Variants in IL31RA observed in about 807,000 individuals in gnomAD.
IL31RA encodes the protein interleukin 31 receptor A, also known as interleukin-31 receptor subunit alpha.
In IL31RA, 66 loss-of-function variants were observed where a neutral mutation model predicts 83.7. The ratio of observed to expected loss-of-function variants is 0.79; its 90% CI spans 0.65 to 0.97. The LOEUF (loss-of-function observed/expected upper bound fraction) is 0.97, where lower values mean the gene tolerates loss of function less well. Ranked by LOEUF, IL31RA falls within the 50% of genes least tolerant of loss-of-function variation. IL31RA has a pLI of 0.00. For missense variants in IL31RA, 798 were observed against 919.4 expected, an observed-to-expected ratio of 0.87 and a Z score of 1.71; for synonymous variants, 325 against 329.0, an observed-to-expected ratio of 0.99 and a Z score of 0.13.
chr5:55,922,067 C>T lies in IL31RA; in HGVS notation c.*4947C>T, dbSNP rs1475570420. ...CTTATGTTGTGGCGGGGGGGGGGGG[C>T]GGTTCCTGAAGAGTGGAGTGTGACT... On this transcript the variant is annotated 3_prime_UTR_variant, in exon 15 of 15. Transcript: ENST00000652347. 1.7e-5 allele frequency among the ~76,000 whole-genome samples: 1 copy of T among 57,368 alleles called. No individual in the cohort carries two copies. Among genetic ancestry groups the T allele is most frequent in the Admixed American group, 2.5e-4 (1 of 4,062 alleles). 37.6% of individuals were successfully genotyped at this position (57,368 alleles called of 152,430 possible). A position where few individuals can be genotyped will look rare whatever the true frequency, so the allele number is the denominator to read the frequency against.
chr5:55,899,526 A>G (rs903612973), intron 7 of IL31RA, among the ~76,000 whole-genome samples: 4 of 152,250 alleles, frequency 2.6e-5, no homozygotes, highest in African/African-American at 9.6e-5. Context: ...TGGATACTCC[A>G]GGCAAGAGAT....
In IL31RA at chr5:55,908,311, G is replaced by A. The variant is rs1303913358; in HGVS notation, c.1401G>A (p.Lys467=). The change falls in exon 11 of 15, where the codon AAG becomes AAA. Residue 467 remains lysine (K), a synonymous_variant. Transcript: ENST00000652347. The stretch of plus-strand genomic sequence containing the variant: ...CCAAGGTGGAGAACATTGGCGTGAA[G>A]ACGGTCACGATCACATGGAAAGAGA... ...PETKVENIGV[K]TVTITWKEIP... The A allele has an allele frequency of 3.1e-6, 5 of 1,614,178 alleles. No homozygotes were observed. In the Admixed American group the frequency reaches 5.0e-5, roughly 16 times the overall value.
Position 55,906,257 on chromosome 5 carries a change from G to A in IL31RA, c.1221G>A (p.Val407=), listed in dbSNP as rs1261114666. ...SEPTTLSWES[V]SQATNWTIQQ... The stretch of plus-strand genomic sequence containing the variant: ...CCACCACCCTTTCCTGGGAATCTGT[G>A]TCTCAGGCCACGAACTGGACGATCC... The change falls in exon 9 of 15, where the codon GTG becomes GTA. Residue 407 remains valine, a synonymous_variant. Coordinates refer to ENST00000652347, the MANE Select transcript of IL31RA (RefSeq NM_139017.7). 5 of 1,614,152 alleles carry A rather than the reference G, an allele frequency of 3.1e-6. No individual in the cohort carries two copies. The highest frequency in any genetic ancestry group is 3.3e-4 in the Middle Eastern group (2 of 6,030).
upstream of IL31RA, among the ~76,000 whole-genome samples, chr5:55,848,203 T>C (rs375812566): frequency 7.9e-5 from 12 of 152,320 alleles, no homozygotes; most frequent in African/African-American, 2.9e-4. Context: ...AGAGAGGGAA[T>C]TAAACTTCAT....
In IL31RA at chr5:55,919,933, G is replaced by A. The variant is rs1750005054; in HGVS notation, c.*2813G>A. ...CAGAGACATTGTGAGGACACAAACAGGAAGACTTGTGTTTTAGCAAGGTTA... is the reference window on the plus strand; with the variant it reads ...CAGAGACATTGTGAGGACACAAACAAGAAGACTTGTGTTTTAGCAAGGTTA... On this transcript the variant is annotated 3_prime_UTR_variant, in exon 15 of 15. Coordinates refer to ENST00000652347, the MANE Select transcript of IL31RA (RefSeq NM_139017.7). 1.3e-5 allele frequency among the ~76,000 whole-genome samples: 2 copies of A among 152,228 alleles called. No individual in the cohort carries two copies. Among genetic ancestry groups the A allele is most frequent in the Admixed American group, 6.5e-5 (1 of 15,288 alleles).
chr5:55,862,685 G>T (rs1381610201), intron 2 of IL31RA, among the ~76,000 whole-genome samples: 1 of 152,198 alleles, frequency 6.6e-6, no homozygotes, highest in Non-Finnish European at 1.5e-5. Context: ...GGGATTACAG[G>T]TGTGAGCCAC....
intron 4 of IL31RA, 83 bp from the exon 5 acceptor site, chr5:55,882,961 A>T (rs1747338491): frequency 7.6e-7 from 1 of 1,310,750 alleles, no homozygotes; most frequent in Non-Finnish European, 1.1e-6. Flanking sequence ...TGCACGTATC[A>T]TTTTTTTTCA....
At chr5:55,890,277 C>A in intron 6 of IL31RA, 142 bp downstream of exon 6, 1 of 757,630 alleles carries the variant, frequency 1.3e-6, no homozygotes, top group Non-Finnish European at 2.3e-6. Flanking sequence ...CGAGAGTGAG[C>A]CTGCACAACT....
chr5:55,857,558 A>G (rs886945970), intron 1 of IL31RA, among the ~76,000 whole-genome samples: 1 of 152,118 alleles, frequency 6.6e-6, no homozygotes, highest in African/African-American at 2.4e-5. Context: ...CTCTTTTTAG[A>G]TGCTCTTTGC....
intron 4 of IL31RA, among the ~76,000 whole-genome samples, chr5:55,879,821 A>C (rs1747095884): frequency 1.3e-5 from 2 of 151,890 alleles, no homozygotes; most frequent in Non-Finnish European, 2.9e-5. Flanking sequence ...ACTTGATATA[A>C]ATCAGTTCTT....
At chr5:55,910,818 C>A in intron 12 of IL31RA, 146 bp downstream of exon 12, 1 of 951,310 alleles carries the variant, frequency 1.1e-6, no homozygotes, top group Non-Finnish European at 1.7e-6. Context: ...CACCAACCTT[C>A]CTGGAAAGCA....
intron 10 of IL31RA, 39 bp from the exon 11 acceptor site, chr5:55,908,226 C>G: frequency 1.9e-6 from 3 of 1,612,462 alleles, no homozygotes; most frequent in South Asian, 2.2e-5. Context: ...TCCTGGAGTG[C>G]GGTTCAGTGA....
chr5:55,882,362 T>C (rs1046808572), intron 4 of IL31RA, among the ~76,000 whole-genome samples: 9 of 152,246 alleles, frequency 5.9e-5, no homozygotes, highest in Non-Finnish European at 1.0e-4. Context: ...GATTGCATAA[T>C]GTTATTTTTA....
intron 4 of IL31RA, among the ~76,000 whole-genome samples, chr5:55,881,716 A>ATTTTTTTTTTTTTT (rs34217814): frequency 1.7e-5 from 1 of 59,630 alleles, no homozygotes; most frequent in African/African-American, 7.3e-5. Context: ...AGTTCCTGAG[A>ATTTTTTTTTTTTTT]TTTTTTTTTT....
At chr5:55,906,419 T>A in intron 9 of IL31RA, 131 bp downstream of exon 9, 1 of 885,430 alleles carries the variant, frequency 1.1e-6, no homozygotes, top group Non-Finnish European at 1.8e-6. Context: ...TGTGCAAGCT[T>A]AATGAAGTGA....
intron 2 of IL31RA, among the ~76,000 whole-genome samples, chr5:55,864,047 G>C (rs1745849831): frequency 6.6e-6 from 1 of 152,020 alleles, no homozygotes; most frequent in Admixed American, 6.6e-5. Flanking sequence ...GAATGAAAAG[G>C]AAATAAAATA....
intron 8 of IL31RA, among the ~76,000 whole-genome samples, chr5:55,902,859 G>A (rs1001228163): frequency 5.3e-5 from 8 of 152,200 alleles, no homozygotes; most frequent in African/African-American, 1.7e-4. Context: ...TGATGTAGAT[G>A]CTGTGAGATC....
At chr5:55,885,118 A>G (rs1051316832) in intron 5 of IL31RA, among the ~76,000 whole-genome samples, 6 of 152,214 alleles carry the variant, frequency 3.9e-5, no homozygotes, top group Non-Finnish European at 7.3e-5. Flanking sequence ...TTCTATGAAT[A>G]TACCTAATTA....
chr5:55,904,061 G>A (rs1321228352), intron 8 of IL31RA, among the ~76,000 whole-genome samples: 1 of 152,206 alleles, frequency 6.6e-6, no homozygotes, highest in African/African-American at 2.4e-5. Context: ...CTTCTTGTGT[G>A]TCTCTGTTTC....
Sources: gnomAD v4.1 joint callset for allele counts (sites outside exome capture counted in the v4.1 genomes callset) on GRCh38, gnomAD v4.1.1 for gene constraint, MANE v1.5 for transcripts, NCBI Gene and HGNC (gene_info 2026-07-23, HGNC 2026-07-21) for gene names.